The following SLC12A8 variants were observed in gnomAD, a reference collection of about 807,000 sequenced individuals.
SLC12A8 encodes the protein solute carrier family 12 member 8.
A neutral mutation model predicts 75.6 loss-of-function variants in SLC12A8; 69 were observed. The ratio of observed to expected loss-of-function variants is 0.91; its 90% CI spans 0.75 to 1.11. SLC12A8 has a LOEUF of 1.11. Ranked by LOEUF, SLC12A8 falls within the 50% of genes most tolerant of loss-of-function variation. The probability of loss-of-function intolerance (pLI) is 0.00; values close to 1 mark genes in which losing one functional copy is unlikely to be tolerated. For synonymous variants in SLC12A8, 365 were observed against 372.8 expected, an observed-to-expected ratio of 0.98 and a Z score of 0.24; for missense variants, 877 against 896.7, an observed-to-expected ratio of 0.98 and a Z score of 0.28.
At chr3:125,183,292 T>C (rs1934704955) in intron 4 of SLC12A8, among the ~76,000 whole-genome samples, 1 of 152,182 alleles carries the variant, frequency 6.6e-6, no homozygotes, top group Non-Finnish European at 1.5e-5. Flanking sequence ...TTCTATTTCC[T>C]CCTAAATCTT....
intron 12 of SLC12A8, among the ~76,000 whole-genome samples, chr3:125,088,727 A>G (rs1380063782): frequency 1.3e-5 from 2 of 152,256 alleles, no homozygotes; most frequent in Non-Finnish European, 1.5e-5. Flanking sequence ...TGTTGAATAC[A>G]CGCCATAAAA....
intron 6 of SLC12A8, among the ~76,000 whole-genome samples, chr3:125,134,183 C>A (rs1476459909): frequency 6.6e-6 from 1 of 152,076 alleles, no homozygotes. Flanking sequence ...CTCACTGCAA[C>A]CTCTGCCTCC....
Position 125,196,647 on chromosome 3 carries a change from G to A in SLC12A8, c.52-6126C>T, listed in dbSNP as rs374531930. The stretch of plus-strand genomic sequence containing the variant: ...CTCTGCCCACTTAAAGTGTCTATAA[G>A]GCCAGGCACAGTGGCTCACACCTGT... On this transcript the variant is annotated intron_variant, in intron 2 of 13. Coordinates refer to ENST00000469902, the MANE Select transcript of SLC12A8 (RefSeq NM_024628.6). 9.2e-5 allele frequency among the ~76,000 whole-genome samples: 14 copies of A among 152,306 alleles called. No individual in the cohort carries two copies. The East Asian group carries it at 2.1e-3, about 23-fold the overall frequency.
At chr3:125,105,754 G>GA (rs1939005491) in intron 10 of SLC12A8, among the ~76,000 whole-genome samples, 1 of 152,196 alleles carries the variant, frequency 6.6e-6, no homozygotes, top group Non-Finnish European at 1.5e-5. Flanking sequence ...TCCAGGCAGG[G>GA]TGTGGTGGCT....
At chr3:125,163,274 T>C (rs1297618392) in intron 5 of SLC12A8, among the ~76,000 whole-genome samples, 1 of 151,224 alleles carries the variant, frequency 6.6e-6, no homozygotes, top group Non-Finnish European at 1.5e-5. Context: ...CACTCTAACC[T>C]GGGTGAGAGA....
At chr3:125,200,566 T>C (rs1450463184) in intron 2 of SLC12A8, among the ~76,000 whole-genome samples, 2 of 152,246 alleles carry the variant, frequency 1.3e-5, no homozygotes, top group African/African-American at 4.8e-5. Context: ...GCATTAGGGA[T>C]ACCATTTATG....
rs896201300 is a variant in SLC12A8, at chr3:125,083,432, A to G, written c.*458T>C. Reference sequence around the variant, plus strand: ...CTTCTTCCACATGTTCTAAGAAAACATAGATTTCTGGCCAGGCATGGTGGC... The same window carrying G: ...CTTCTTCCACATGTTCTAAGAAAACGTAGATTTCTGGCCAGGCATGGTGGC... On this transcript the variant is annotated 3_prime_UTR_variant, in exon 14 of 14. Transcript: ENST00000469902. The G allele has an allele frequency of 6.4e-6, 1 of 156,840 alleles. No individual in the cohort carries two copies. Among genetic ancestry groups the G allele is most frequent in the Non-Finnish European group, 1.4e-5 (1 of 70,850 alleles). The allele number at this position is 156,840 out of a possible 1,614,324, so 9.7% of individuals were successfully genotyped here.
intron 2 of SLC12A8, among the ~76,000 whole-genome samples, chr3:125,193,843 T>C (rs1001126837): frequency 4.6e-5 from 7 of 152,054 alleles, no homozygotes; most frequent in African/African-American, 1.4e-4. Flanking sequence ...GCTGGGGTGA[T>C]GGTTGCTGAA....
At chr3:125,146,855 A>G (rs1257661875) in intron 5 of SLC12A8, among the ~76,000 whole-genome samples, 1 of 152,190 alleles carries the variant, frequency 6.6e-6, no homozygotes, top group African/African-American at 2.4e-5. Flanking sequence ...TGCCACAGGG[A>G]ACACCTCTTC....
chr3:125,088,299 T>C lies in SLC12A8; in HGVS notation c.1982+11A>G, dbSNP rs1280044822. 6.2e-7 allele frequency: 1 copy of C among 1,613,786 alleles called. No individual in the cohort carries two copies. Among genetic ancestry groups the C allele is most frequent in the African/African-American group, 1.3e-5 (1 of 74,882 alleles). ...CATCCATTCTGGTACTGGCTCCAAA[T>C]TGGCACAGACCTGCAGGAGGGGAGC... On this transcript the variant is annotated intron_variant, in intron 13 of 13. Coordinates refer to ENST00000469902, the MANE Select transcript of SLC12A8 (RefSeq NM_024628.6).
At position 125,152,759 on chromosome 3, in the gene SLC12A8, C is replaced by T. The variant is rs986965714; in HGVS notation, c.623-16977G>A. On this transcript the variant is annotated intron_variant, in intron 5 of 13. Transcript: ENST00000469902. ...ACAGATGGACAAACTCAAAGGGTTT[C>T]GGTGACTTGCCCACAGCCACACGGC... Among the ~76,000 whole-genome samples the T allele has an allele frequency of 3.9e-5, 6 of 152,164 alleles. 1 individual carries two copies. The highest frequency in any genetic ancestry group is 3.3e-4 in the Admixed American group (5 of 15,286).
intron 2 of SLC12A8, among the ~76,000 whole-genome samples, chr3:125,193,741 C>A (rs996967881): frequency 6.6e-6 from 1 of 152,210 alleles, no homozygotes; most frequent in Admixed American, 6.5e-5. Flanking sequence ...ACCCCTCAAC[C>A]CAAATAGGCC....
intron 5 of SLC12A8, among the ~76,000 whole-genome samples, 175 bp from the exon 6 acceptor site, chr3:125,135,957 T>C (rs1933482724): frequency 6.6e-6 from 1 of 152,070 alleles, no homozygotes; most frequent in African/African-American, 2.4e-5. Flanking sequence ...ACTTCTAGGG[T>C]TGACTTTTGT....
chr3:125,125,735 C>G (rs532285633), intron 6 of SLC12A8: 3 of 162,308 alleles, frequency 1.8e-5, no homozygotes, highest in Non-Finnish European at 3.9e-5. Flanking sequence ...AGAACCAGCA[C>G]TAACCCTCAA....
chr3:125,193,862 C>T (rs1248008564), intron 2 of SLC12A8, among the ~76,000 whole-genome samples: 9 of 152,116 alleles, frequency 5.9e-5, no homozygotes, highest in Non-Finnish European at 1.5e-5. Flanking sequence ...AAGCTTAGGC[C>T]AGTTCCAGGC....
At chr3:125,154,471 C>T (rs1934002169) in intron 5 of SLC12A8, among the ~76,000 whole-genome samples, 1 of 152,166 alleles carries the variant, frequency 6.6e-6, no homozygotes, top group Non-Finnish European at 1.5e-5. Flanking sequence ...CAATAACACA[C>T]AGGGACTCCA....
At chr3:125,106,477 C>A (rs1670532779) in intron 10 of SLC12A8, among the ~76,000 whole-genome samples, 1 of 152,050 alleles carries the variant, frequency 6.6e-6, no homozygotes, top group African/African-American at 2.4e-5. Context: ...ACTCTCCTGC[C>A]ACTGCAACCT....
chr3:125,091,949 A>G (rs1257487865), intron 11 of SLC12A8, 152 bp downstream of exon 11: 2 of 552,298 alleles, frequency 3.6e-6, no homozygotes, highest in Non-Finnish European at 6.6e-6. Flanking sequence ...TAATCTTGCC[A>G]TATGTAGTCT....
In SLC12A8 at chr3:125,135,998, A is replaced by G. The variant is rs1386219556; in HGVS notation, c.623-216T>C. 2.6e-5 allele frequency among the ~76,000 whole-genome samples: 4 copies of G among 152,312 alleles called. No homozygotes were observed. In the East Asian group the frequency reaches 7.7e-4, roughly 29 times the overall value. On this transcript the variant is annotated intron_variant, in intron 5 of 13. Coordinates refer to ENST00000469902, the MANE Select transcript of SLC12A8 (RefSeq NM_024628.6). ...GATCCCATAGACACAGATGGATGAC[A>G]TAACATGAAAGGAAGCAGTGGTTAC...
Sources: gnomAD v4.1 joint callset for allele counts (sites outside exome capture counted in the v4.1 genomes callset) on GRCh38, gnomAD v4.1.1 for gene constraint, MANE v1.5 for transcripts, NCBI Gene and HGNC (gene_info 2026-07-23, HGNC 2026-07-21) for gene names.